Variants in STK11 observed in about 807,000 individuals in gnomAD.
STK11 encodes the protein serine/threonine-protein kinase STK11.
A neutral mutation model predicts 47.3 loss-of-function variants in STK11; 8 were observed. That is an observed-to-expected ratio of 0.17 (90% confidence interval 0.10 to 0.31). The LOEUF is 0.31. Ranked by LOEUF, STK11 falls within the 10% of genes least tolerant of loss-of-function variation. STK11 has a pLI of 1.00. For missense variants in STK11, 475 were observed against 605.0 expected (o/e 0.79, Z 2.25); for synonymous variants, 330 against 255.8 (o/e 1.29, Z -2.77).
intron 5 of STK11, 124 bp downstream of exon 5, chr19:1,220,841 C>A: frequency 2.2e-6 from 3 of 1,393,688 alleles, no homozygotes; most frequent in Non-Finnish European, 2.9e-6. Context: ...CTGGCCACAG[C>A]CGCTAGGGGG....
chr19:1,210,252 A>G (rs1050132964), intron 1 of STK11, among the ~76,000 whole-genome samples: 8 of 152,194 alleles, frequency 5.3e-5, no homozygotes, highest in South Asian at 4.1e-4. Flanking sequence ...CCTGAGGCCC[A>G]AGGCCTTGGC....
At chr19:1,226,012 G>GGCTTGA in intron 8 of STK11, 1 of 1,011,266 alleles carries the variant, frequency 9.9e-7, no homozygotes, top group South Asian at 4.0e-5. Flanking sequence ...TCGCGTGCCT[G>GGCTTGA]GCCTGAGCCT....
At position 1,226,498 on chromosome 19, in the gene STK11, G is replaced by A. The variant is rs763586612; in HGVS notation, c.1153G>A (p.Gly385Ser). ...EEASHNGQRR[G>S]LPKAVCMNGT... ...GGCCAGTCACAATGGACAGCGCCGG[G>A]GCCTCCCCAAGGCCGTGTGTATGAA... The change falls in exon 9 of 10, where the codon GGC (glycine) becomes AGC (serine). Residue 385 changes from glycine (G) to serine (S), a missense_variant. Around this residue, in one of 5 missense-constraint regions of STK11, gnomAD observed 219 missense variants for 189.2 expected, o/e 1.16. Transcript: ENST00000326873. The A allele has an allele frequency of 7.4e-6, 12 of 1,611,044 alleles. No homozygotes were observed. The highest frequency in any genetic ancestry group is 1.0e-5 in the Non-Finnish European group (12 of 1,179,284).
intron 1 of STK11, among the ~76,000 whole-genome samples, chr19:1,207,879 G>C (rs551906610): frequency 2.2e-4 from 33 of 152,278 alleles, no homozygotes; most frequent in Non-Finnish European, 5.9e-5. Context: ...CTTCAGGCAC[G>C]GGGCTGCCGC....
chr19:1,208,339 G>T (rs1222391538), intron 1 of STK11, among the ~76,000 whole-genome samples: 2 of 137,928 alleles, frequency 1.5e-5, no homozygotes, highest in Non-Finnish European at 3.0e-5. Context: ...ACGGAGTCTC[G>T]CTCTGTTCCC....
At chr19:1,217,391 G>C (rs1400342148) in intron 1 of STK11, among the ~76,000 whole-genome samples, 1 of 152,070 alleles carries the variant, frequency 6.6e-6, no homozygotes, top group African/African-American at 2.4e-5. Context: ...GTAGAGACAG[G>C]GTTTCGCCGT....
chr19:1,218,365 C>T (rs1228207275), intron 1 of STK11, 52 bp from the exon 2 acceptor site: 1 of 1,468,912 alleles, frequency 6.8e-7, no homozygotes, highest in East Asian at 2.3e-5. Context: ...GGGATCCAGG[C>T]CATCATCCTG....
rs969419908 is a variant in STK11, at chr19:1,206,961, G to A, written c.48G>A (p.Glu16=). The A allele has an allele frequency of 2.5e-6, 4 of 1,609,194 alleles. No homozygotes were observed. In the African/African-American group the frequency reaches 4.0e-5, roughly 16 times the overall value. Residue 16 remains glutamate (E), a synonymous_variant, in exon 1 of 10, where the codon GAG becomes GAA. Transcript: ENST00000326873. ...PQQLGMFTEG[E]LMSVGMDTFI... ...AGCTGGGCATGTTCACGGAGGGCGA[G>A]CTGATGTCGGTGGGTATGGACACGT...
Position 1,206,834 on chromosome 19 carries a change from A to G in STK11, c.-80A>G, listed in dbSNP as rs1348832047. On this transcript the variant is annotated 5_prime_UTR_variant, in exon 1 of 10. Coordinates refer to ENST00000326873, the MANE Select transcript of STK11 (RefSeq NM_000455.5). ...TTTTTTCTTTGTAAAATTTTGGAGA[A>G]GGGAAGTCGGAACACAAGGAAGGAC... 3 of 1,448,686 alleles carry G rather than the reference A, an allele frequency of 2.1e-6. No homozygotes were observed. Among genetic ancestry groups the G allele is most frequent in the African/African-American group, 2.9e-5 (2 of 69,210 alleles). The allele number at this position is 1,448,686 out of a possible 1,614,324, so 89.7% of individuals were successfully genotyped here.
In STK11 at chr19:1,223,030, C is replaced by A. The variant is rs2145430794; in HGVS notation, c.966C>A (p.Ile322=). 6.3e-7 allele frequency: 1 copy of A among 1,591,388 alleles called. No homozygotes were observed. Among genetic ancestry groups the A allele is most frequent in the Non-Finnish European group, 8.5e-7 (1 of 1,169,688 alleles). ...CTCCGGCTGAAGCACCAGTGCCCATCCCACCGAGCCCAGACACCAAGGACC... is the reference window on the plus strand; with the variant it reads ...CTCCGGCTGAAGCACCAGTGCCCATACCACCGAGCCCAGACACCAAGGACC... ...KHPPAEAPVP[I]PPSPDTKDRW... Residue 322 remains isoleucine, a synonymous_variant, in exon 8 of 10, where the codon ATC becomes ATA. Coordinates refer to ENST00000326873, the MANE Select transcript of STK11 (RefSeq NM_000455.5).
In STK11 at chr19:1,219,175, G is replaced by C. The variant is rs2080764089; in HGVS notation, c.375-149G>C. The C allele has an allele frequency of 3.4e-6, 3 of 893,058 alleles. No homozygotes were observed. In the Admixed American group the frequency reaches 7.1e-5, roughly 21 times the overall value. 55.3% of individuals were successfully genotyped at this position (893,058 alleles called of 1,614,324 possible). A position where few individuals can be genotyped will look rare whatever the true frequency, so the allele number is the denominator to read the frequency against. ...ACGCTGGGGCCCCTGGGCCTTTTCA[G>C]AGGGGTGGCTGAGGGCAGGGTGGGC... On this transcript the variant is annotated intron_variant, in intron 2 of 9. Transcript: ENST00000326873.
intron 7 of STK11, among the ~76,000 whole-genome samples, chr19:1,222,575 T>C (rs1185853431): frequency 6.6e-6 from 1 of 152,172 alleles, no homozygotes; most frequent in East Asian, 1.9e-4. Flanking sequence ...GCGCTGGTGC[T>C]GATTGTGCCT....
In STK11 at chr19:1,209,309, G is replaced by A. The variant is rs189061952; in HGVS notation, c.290+2106G>A. Among the ~76,000 whole-genome samples, 250 of 152,276 alleles carry A rather than the reference G, an allele frequency of 1.6e-3. 2 individuals are homozygous for A. The highest frequency in any genetic ancestry group is 5.8e-3 in the African/African-American group (241 of 41,562). On this transcript the variant is annotated intron_variant, in intron 1 of 9. Coordinates refer to ENST00000326873, the MANE Select transcript of STK11 (RefSeq NM_000455.5). ...AGAAACCCACGCTTAGGGGCCGGGC[G>A]CGGTGGCTCACGCCTGTAATCCCAG...
chr19:1,218,294 TTC>T, intron 1 of STK11, 121 bp from the exon 2 acceptor site: 1 of 813,674 alleles, frequency 1.2e-6, no homozygotes, highest in Non-Finnish European at 2.1e-6. Context: ...AACTCACAGC[TTC>T]TCTCTAGGGA....
At position 1,226,437 on chromosome 19, in the gene STK11, T is replaced by C. The variant is rs1555740052; in HGVS notation, c.1109-17T>C. The C allele has an allele frequency of 1.2e-6, 2 of 1,607,744 alleles. No homozygotes were observed. The highest frequency in any genetic ancestry group is 1.7e-6 in the Non-Finnish European group (2 of 1,177,996). On this transcript the variant is annotated splice_polypyrimidine_tract_variant and intron_variant, in intron 8 of 9. Coordinates refer to ENST00000326873, the MANE Select transcript of STK11 (RefSeq NM_000455.5). ...TGCGCCCCTCAGCTCAGGCCACACT[T>C]GCCGTCTCCCTCCCAGGACAGGTCC...
chr19:1,227,804 T>G lies in STK11; in HGVS notation c.*228T>G. On this transcript the variant is annotated 3_prime_UTR_variant, in exon 10 of 10. Transcript: ENST00000326873. ...CCGGCAGTGCACGCGGCTTGTTGAC[T>G]TCGCAGCCCCGGGCGGAGCCTTCCC... 6 of 1,072,956 alleles carry G rather than the reference T, an allele frequency of 5.6e-6. No individual in the cohort carries two copies. The highest frequency in any genetic ancestry group is 6.8e-6 in the Non-Finnish European group (6 of 884,024). The allele number at this position is 1,072,956 out of a possible 1,614,324, so 66.5% of individuals were successfully genotyped here. A position where few individuals can be genotyped will look rare whatever the true frequency, so the allele number is the denominator to read the frequency against.
At chr19:1,207,352 G>A in intron 1 of STK11, 149 bp downstream of exon 1, 1 of 1,161,712 alleles carries the variant, frequency 8.6e-7, no homozygotes, top group Middle Eastern at 2.9e-4. Context: ...TCCGTGCCAG[G>A]GAGAGCGTGG....
intron 1 of STK11, among the ~76,000 whole-genome samples, chr19:1,208,634 T>TTTTTTTTG (rs2080686780): frequency 9.3e-6 from 1 of 107,608 alleles, no homozygotes; most frequent in African/African-American, 3.3e-5. Flanking sequence ...TTTTTTTTTT[T>TTTTTTTTG]GAGACGGAGT....
Position 1,219,382 on chromosome 19 carries a change from G to A in STK11, c.433G>A (p.Glu145Lys), listed in dbSNP as rs1241537285. 4 of 1,580,044 alleles carry A rather than the reference G, an allele frequency of 2.5e-6. No homozygotes were observed. The South Asian group carries it at 3.4e-5, about 13-fold the overall frequency. The change falls in exon 3 of 10, where the codon GAG becomes AAG. Residue 145 changes from glutamate (E) to lysine (K), a missense_variant. By Grantham distance (56) the Glu-to-Lys change is moderately conservative. Around this residue, in one of 5 missense-constraint regions of STK11, gnomAD observed 130 missense variants for 239.7 expected, o/e 0.54. Coordinates refer to ENST00000326873, the MANE Select transcript of STK11 (RefSeq NM_000455.5). ...GCAGGAAATGCTGGACAGCGTGCCGGAGAAGCGTTTCCCAGTGTGCCAGGC... is the reference window on the plus strand; with the variant it reads ...GCAGGAAATGCTGGACAGCGTGCCGAAGAAGCGTTTCCCAGTGTGCCAGGC... ...GMQEMLDSVP[E>K]KRFPVCQAHG... is the part of the protein sequence containing the mutation.
Sources: gnomAD v4.1 joint callset for allele counts (sites outside exome capture counted in the v4.1 genomes callset) on GRCh38, gnomAD v4.1.1 for gene constraint, gnomAD v4.1.1 regional missense constraint, MANE v1.5 for transcripts, NCBI Gene and HGNC (gene_info 2026-07-23, HGNC 2026-07-21) for gene names.